NRG2: variants seen among roughly 807,000 people sequenced by gnomAD.
The protein encoded by NRG2 is neuregulin 2.
A neutral mutation model predicts 73.9 loss-of-function variants in NRG2; 27 were observed. That is an observed-to-expected ratio of 0.37 (90% CI 0.27 to 0.50). The LOEUF is 0.50. NRG2 is among the 20% of genes least tolerant of loss of function. The probability of loss-of-function intolerance (pLI) is 0.96; values close to 1 mark genes in which losing one functional copy is unlikely to be tolerated. For missense variants in NRG2, 1,126 were observed against 1,210.1 expected (o/e 0.93, Z 1.03); for synonymous variants, 532 against 541.0 (o/e 0.98, Z 0.23).
intron 1 of NRG2, among the ~76,000 whole-genome samples, chr5:139,979,193 C>G (rs1219390152): frequency 1.3e-5 from 2 of 151,950 alleles, no homozygotes; most frequent in Non-Finnish European, 2.9e-5. Flanking sequence ...TGTAACAAAC[C>G]TGCACATTGT....
In NRG2 at chr5:139,856,905, C is replaced by T. The variant is rs1184114330; in HGVS notation, c.1190-1127G>A. 6.6e-6 allele frequency among the ~76,000 whole-genome samples: 1 copy of T among 152,200 alleles called. No homozygotes were observed. The highest frequency in any genetic ancestry group is 1.5e-5 in the Non-Finnish European group (1 of 68,030). On this transcript the variant is annotated intron_variant, in intron 5 of 9. Coordinates refer to ENST00000361474, the MANE Select transcript of NRG2 (RefSeq NM_004883.3). The surrounding 1 kb of genome is among the most constrained non-coding windows in gnomAD (Gnocchi z 4.2). ...ACACACAGTTGGATGGAGTTGTAAACAACCAGACCTCCACCCTAGGTCCCC... is the reference window on the plus strand; with the variant it reads ...ACACACAGTTGGATGGAGTTGTAAATAACCAGACCTCCACCCTAGGTCCCC...
chr5:139,964,289 A>T (rs534160490), intron 1 of NRG2, among the ~76,000 whole-genome samples: 1 of 152,158 alleles, frequency 6.6e-6, no homozygotes, highest in African/African-American at 2.4e-5. Context: ...GACTTTATGT[A>T]TCTCCTTTCC....
intron 1 of NRG2, among the ~76,000 whole-genome samples, chr5:140,017,630 A>G (rs1759895863): frequency 6.6e-6 from 1 of 152,216 alleles, no homozygotes; most frequent in South Asian, 2.1e-4. Context: ...AGGGTCAGGA[A>G]CTAGAAGTTC....
chr5:140,028,653 T>C (rs1219346877), intron 1 of NRG2, among the ~76,000 whole-genome samples: 1 of 152,124 alleles, frequency 6.6e-6, no homozygotes, highest in African/African-American at 2.4e-5. Flanking sequence ...TGGGTGGAGA[T>C]GAGTATATTT....
At chr5:139,898,309 G>A (rs114781233) in intron 1 of NRG2, among the ~76,000 whole-genome samples, 3,273 of 152,346 alleles carry the variant, frequency 0.021, 121 homozygotes, top group African/African-American at 0.074. Flanking sequence ...CATCTGCACC[G>A]CAGGCATGAG....
intron 1 of NRG2, among the ~76,000 whole-genome samples, chr5:139,906,447 C>T (rs951824563): frequency 4.6e-5 from 7 of 152,202 alleles, no homozygotes; most frequent in African/African-American, 1.7e-4. Flanking sequence ...GCCTATACCT[C>T]AGCCACTTTA....
chr5:139,904,216 T>C lies in NRG2; in HGVS notation c.701-16705A>G. 1 of 1,414,358 alleles carries C rather than the reference T, an allele frequency of 7.1e-7. No individual in the cohort carries two copies. Among genetic ancestry groups the C allele is most frequent in the Non-Finnish European group, 9.4e-7 (1 of 1,063,882 alleles). The allele number at this position is 1,414,358 out of a possible 1,614,324, so 87.6% of individuals were successfully genotyped here. A position where few individuals can be genotyped will look rare whatever the true frequency, so the allele number is the denominator to read the frequency against. On this transcript the variant is annotated intron_variant, in intron 1 of 9. Coordinates refer to ENST00000361474, the MANE Select transcript of NRG2 (RefSeq NM_004883.3). The surrounding 1 kb of genome is among the most constrained non-coding windows in gnomAD (Gnocchi z 6.0). ...CACCGCGGCGGCCGCTAGCGCAGCC[T>C]AGACTCACCCGCGCTGCGCTGGGGG...
intron 1 of NRG2, among the ~76,000 whole-genome samples, chr5:139,938,151 G>GTTCA (rs1303890418): frequency 5.3e-5 from 8 of 152,188 alleles, no homozygotes; most frequent in Non-Finnish European, 1.0e-4. Flanking sequence ...GGAAATACGT[G>GTTCA]TTCATGGATG....
chr5:139,891,699 A>G (rs1339783427), intron 1 of NRG2, among the ~76,000 whole-genome samples: 1 of 151,816 alleles, frequency 6.6e-6, no homozygotes, highest in Non-Finnish European at 1.5e-5. Context: ...GGGCCAAAAG[A>G]GGCCTATATG....
intron 2 of NRG2, among the ~76,000 whole-genome samples, chr5:139,883,735 C>A (rs939772809): frequency 6.6e-6 from 1 of 152,156 alleles, no homozygotes; most frequent in African/African-American, 2.4e-5. Context: ...TCCGAGGGCG[C>A]CTTGGTCGCA....
chr5:140,030,220 A>G (rs1761024540), intron 1 of NRG2, among the ~76,000 whole-genome samples: 1 of 152,198 alleles, frequency 6.6e-6, no homozygotes, highest in African/African-American at 2.4e-5. Context: ...TTATACTTAT[A>G]AAAATATATA....
intron 1 of NRG2, among the ~76,000 whole-genome samples, chr5:140,016,587 G>A (rs62383917): frequency 0.082 from 12,516 of 152,224 alleles, 711 homozygotes; most frequent in Non-Finnish European, 0.13. Context: ...GAGCTTATAG[G>A]GAGACATCAA....
At chr5:140,029,496 C>A (rs999681023) in intron 1 of NRG2, among the ~76,000 whole-genome samples, 1 of 151,960 alleles carries the variant, frequency 6.6e-6, no homozygotes. Flanking sequence ...AGTTGGGAAA[C>A]CTGAGGCACA....
chr5:139,972,606 C>G (rs1020624200), intron 1 of NRG2, among the ~76,000 whole-genome samples: 1 of 152,126 alleles, frequency 6.6e-6, no homozygotes, highest in African/African-American at 2.4e-5. Flanking sequence ...CGCCTGTAAT[C>G]CCAGCTACTC....
intron 1 of NRG2, among the ~76,000 whole-genome samples, chr5:139,981,528 T>C (rs1756801081): frequency 6.6e-6 from 1 of 152,212 alleles, no homozygotes; most frequent in South Asian, 2.1e-4. Context: ...GGGAAGCTAA[T>C]CCAGAGAGAG....
At chr5:140,009,825 T>G (rs1344874476) in intron 1 of NRG2, among the ~76,000 whole-genome samples, 2 of 152,176 alleles carry the variant, frequency 1.3e-5, no homozygotes, top group Non-Finnish European at 2.9e-5. Flanking sequence ...GAAACTTAAA[T>G]GCATATTACT....
At chr5:140,009,623 G>C (rs1051159163) in intron 1 of NRG2, among the ~76,000 whole-genome samples, 1 of 152,184 alleles carries the variant, frequency 6.6e-6, no homozygotes, top group African/African-American at 2.4e-5. Context: ...CACCAACAAT[G>C]AATGAGAGGA....
intron 3 of NRG2, among the ~76,000 whole-genome samples, chr5:139,872,971 C>A (rs1482773082): frequency 1.3e-5 from 2 of 152,194 alleles, no homozygotes; most frequent in African/African-American, 4.8e-5. Flanking sequence ...CCAAGCTACC[C>A]CAGCTGGCCC....
rs758725830 is a variant in NRG2, at chr5:139,880,907, C to T, written c.940G>A (p.Glu314Lys). 34 of 1,614,064 alleles carry T rather than the reference C, an allele frequency of 2.1e-5. No homozygotes were observed. Among genetic ancestry groups the T allele is most frequent in the Middle Eastern group, 1.6e-4 (1 of 6,080 alleles). The change falls in exon 3 of 10, where the codon GAG becomes AAG. Residue 314 changes from glutamate (E) to lysine (K), a missense_variant. Physicochemically the swap from Glu to Lys is moderately conservative, Grantham distance 56 (BLOSUM62 1). Around this residue, in one of 3 missense-constraint regions of NRG2, gnomAD observed 539 missense variants for 703.2 expected, o/e 0.77. Transcript: ENST00000361474. Reference sequence around the variant, plus strand: ...ACGGTGTCCTTCCCCAGGATGTTCTCGGCCTCGCAGACATACTCCCCAGCG... The same window carrying T: ...ACGGTGTCCTTCCCCAGGATGTTCTTGGCCTCGCAGACATACTCCCCAGCG... ...EDAGEYVCEA[E>K]NILGKDTVRG...
Sources: allele counts gnomAD v4.1 joint callset (sites outside exome capture counted in the v4.1 genomes callset), GRCh38; gene constraint gnomAD v4.1.1; regional missense constraint gnomAD v4.1.1; non-coding constraint Gnocchi (gnomAD v3.1); transcripts MANE v1.5; gene names NCBI Gene and HGNC (gene_info 2026-07-23, HGNC 2026-07-21).